The following PDLIM5 variants were observed in gnomAD, a reference collection of about 807,000 sequenced individuals.
The protein encoded by PDLIM5 is PDZ and LIM domain protein 5.
PDLIM5 carries 34 observed loss-of-function variants against 64.2 expected under a neutral mutation model. The observed-to-expected ratio is 0.53, with a 90% CI of 0.40 to 0.71. The LOEUF (loss-of-function observed/expected upper bound fraction) is 0.71. PDLIM5 is among the 30% of genes least tolerant of loss of function. The pLI is 0.00. For synonymous variants in PDLIM5, 253 were observed against 269.1 expected, an observed-to-expected ratio of 0.94 and a Z score of 0.59; for missense variants, 683 against 733.6, an observed-to-expected ratio of 0.93 and a Z score of 0.80.
Position 94,665,445 on chromosome 4 carries a change from C to G in PDLIM5, c.*1378C>G. The stretch of plus-strand genomic sequence containing the variant: ...GCAGTGAGCTGAGATCACACCACTG[C>G]ACTCCAGCCTGGTGACAGAGCAAGA... On this transcript the variant is annotated 3_prime_UTR_variant, in exon 13 of 13. Coordinates refer to ENST00000317968, the MANE Select transcript of PDLIM5 (RefSeq NM_006457.5). The G allele has an allele frequency of 3.0e-6, 2 of 661,444 alleles. No individual in the cohort carries two copies. The highest frequency in any genetic ancestry group is 3.7e-6 in the Non-Finnish European group (2 of 543,766). 41.0% of individuals were successfully genotyped at this position (661,444 alleles called of 1,614,324 possible). A position where few individuals can be genotyped will look rare whatever the true frequency, so the allele number is the denominator to read the frequency against.
chr4:94,490,062 T>A (rs1370216671), intron 2 of PDLIM5, among the ~76,000 whole-genome samples: 1 of 151,928 alleles, frequency 6.6e-6, no homozygotes, highest in Non-Finnish European at 1.5e-5. Flanking sequence ...TGAATGTTTT[T>A]GTGGGTTTTT....
chr4:94,537,765 G>A (rs1731439083), intron 3 of PDLIM5, among the ~76,000 whole-genome samples: 1 of 152,170 alleles, frequency 6.6e-6, no homozygotes, highest in African/African-American at 2.4e-5. Flanking sequence ...AGAGAGTTAA[G>A]TAAGTACTTC....
At chr4:94,570,753 C>T (rs1025417285) in intron 3 of PDLIM5, among the ~76,000 whole-genome samples, 4 of 152,016 alleles carry the variant, frequency 2.6e-5, no homozygotes, top group African/African-American at 4.8e-5. Flanking sequence ...TAATGATGTA[C>T]CCTAGTGTTT....
At chr4:94,657,056 A>G (rs1207740691) in intron 10 of PDLIM5, 2 of 155,456 alleles carry the variant, frequency 1.3e-5, no homozygotes, top group Admixed American at 6.4e-5. Flanking sequence ...AGATAATACC[A>G]TAAAACCTTG....
chr4:94,527,463 G>C (rs1000276772), intron 3 of PDLIM5, among the ~76,000 whole-genome samples: 4 of 152,132 alleles, frequency 2.6e-5, no homozygotes, highest in African/African-American at 9.7e-5. Flanking sequence ...TACTTTTTCA[G>C]TGAACTCTTC....
intron 7 of PDLIM5, among the ~76,000 whole-genome samples, chr4:94,597,636 C>A (rs764635639): frequency 9.3e-5 from 14 of 150,186 alleles, no homozygotes; most frequent in Non-Finnish European, 1.8e-4. Context: ...TCACTAGACT[C>A]TTTTTCTTAA....
At chr4:94,492,751 C>T (rs1478276028) in intron 2 of PDLIM5, among the ~76,000 whole-genome samples, 2 of 152,218 alleles carry the variant, frequency 1.3e-5, no homozygotes, top group South Asian at 4.1e-4. Context: ...ATTGTGTTAT[C>T]ATATGTTTAT....
chr4:94,659,310 C>T lies in PDLIM5; in HGVS notation c.1585+1763C>T, dbSNP rs921978401. 3.3e-5 allele frequency among the ~76,000 whole-genome samples: 5 copies of T among 152,180 alleles called. No homozygotes were observed. The East Asian group carries it at 7.7e-4, about 24-fold the overall frequency. ...GAAATTCTGGCAGCTCTACCTCCAA[C>T]GTATATCATATTCATTTATTTCTCT... On this transcript the variant is annotated intron_variant, in intron 11 of 12. Coordinates refer to ENST00000317968, the MANE Select transcript of PDLIM5 (RefSeq NM_006457.5).
chr4:94,637,554 G>A (rs752613148), intron 8 of PDLIM5, among the ~76,000 whole-genome samples: 7 of 151,868 alleles, frequency 4.6e-5, no homozygotes, highest in South Asian at 4.2e-4. Flanking sequence ...GCGAGACTCC[G>A]TCTCAAAAAA....
At chr4:94,509,221 T>C (rs1275378585) in intron 2 of PDLIM5, among the ~76,000 whole-genome samples, 2 of 152,180 alleles carry the variant, frequency 1.3e-5, no homozygotes, top group Non-Finnish European at 2.9e-5. Context: ...GCTCTCTCCT[T>C]TACTTTGTTT....
At chr4:94,570,167 A>G (rs1384064145) in intron 3 of PDLIM5, among the ~76,000 whole-genome samples, 1 of 152,178 alleles carries the variant, frequency 6.6e-6, no homozygotes. Context: ...TCAAATGGTA[A>G]CTGCCTGTTC....
chr4:94,599,254 G>A (rs1737300528), intron 7 of PDLIM5, among the ~76,000 whole-genome samples: 1 of 152,138 alleles, frequency 6.6e-6, no homozygotes, highest in Non-Finnish European at 1.5e-5. Context: ...CAATGTAGTG[G>A]CAGTGGAGAT....
chr4:94,540,759 T>C (rs746203950), intron 3 of PDLIM5, among the ~76,000 whole-genome samples: 17 of 152,234 alleles, frequency 1.1e-4, no homozygotes, highest in Admixed American at 2.6e-4. Context: ...AAACCTGTTC[T>C]GCTCCTTTTG....
chr4:94,459,575 C>G (rs1257793821), intron 2 of PDLIM5, among the ~76,000 whole-genome samples: 3 of 152,216 alleles, frequency 2.0e-5, no homozygotes, highest in Non-Finnish European at 4.4e-5. Flanking sequence ...GTAATACTTC[C>G]TAGAAGCCAC....
At chr4:94,487,482 A>G (rs924482536) in intron 2 of PDLIM5, among the ~76,000 whole-genome samples, 22 of 152,214 alleles carry the variant, frequency 1.4e-4, no homozygotes, top group Admixed American at 2.6e-4. Flanking sequence ...TCAATTTACA[A>G]TTAGGTTTCT....
At chr4:94,513,720 T>C (rs1037742752) in intron 2 of PDLIM5, among the ~76,000 whole-genome samples, 2 of 152,188 alleles carry the variant, frequency 1.3e-5, no homozygotes, top group African/African-American at 4.8e-5. Flanking sequence ...TCTTTTTTGT[T>C]TGTTTGTTTG....
At chr4:94,603,014 A>C (rs1737623797) in intron 7 of PDLIM5, among the ~76,000 whole-genome samples, 1 of 152,210 alleles carries the variant, frequency 6.6e-6, no homozygotes, top group Non-Finnish European at 1.5e-5. Context: ...ATTATCATTA[A>C]TGACCAAGAG....
chr4:94,473,124 A>G (rs1725021757), intron 2 of PDLIM5, among the ~76,000 whole-genome samples: 1 of 152,240 alleles, frequency 6.6e-6, no homozygotes, highest in Non-Finnish European at 1.5e-5. Context: ...AGATCTGGAT[A>G]AAGTCCAGGA....
intron 2 of PDLIM5, among the ~76,000 whole-genome samples, chr4:94,521,781 T>C (rs1729852796): frequency 1.3e-5 from 2 of 152,104 alleles, no homozygotes; most frequent in Admixed American, 1.3e-4. Context: ...TAGATTTCAG[T>C]GTTTCTGTTT....
Sources: allele counts gnomAD v4.1 joint callset (sites outside exome capture counted in the v4.1 genomes callset), GRCh38; gene constraint gnomAD v4.1.1; transcripts MANE v1.5; gene names NCBI Gene and HGNC (gene_info 2026-07-23, HGNC 2026-07-21).